The following ECE1 variants were observed in gnomAD, a reference collection of about 807,000 sequenced individuals.
The protein encoded by ECE1 is endothelin-converting enzyme 1.
In ECE1, 35 loss-of-function variants were observed where a neutral mutation model predicts 98.6. The ratio of observed to expected loss-of-function variants is 0.35; its 90% CI spans 0.27 to 0.47. ECE1 has a LOEUF of 0.47. ECE1 is among the 20% of genes least tolerant of loss of function. ECE1 has a pLI of 1.00. For missense variants in ECE1, 814 were observed against 1,025.3 expected (o/e 0.79, Z 2.81); for synonymous variants, 394 against 407.1 (o/e 0.97, Z 0.39).
intron 1 of ECE1, among the ~76,000 whole-genome samples, chr1:21,337,099 A>C (rs1264731731): frequency 6.6e-6 from 1 of 152,146 alleles, no homozygotes; most frequent in Non-Finnish European, 1.5e-5. Flanking sequence ...CAGGAGTTGC[A>C]CTCCTAAGTA....
chr1:21,238,041 AGGCCCAGGGTG>A (rs2098190550), intron 11 of ECE1, 82 bp downstream of exon 11: 2 of 1,173,518 alleles, frequency 1.7e-6, no homozygotes, highest in Middle Eastern at 1.9e-4. Flanking sequence ...GGAGCAGGAA[AGGCCCAGGGTG>A]GGCTGGAGTG....
intron 1 of ECE1, among the ~76,000 whole-genome samples, chr1:21,338,648 A>G (rs1467658894): frequency 6.6e-6 from 1 of 152,194 alleles, no homozygotes; most frequent in Non-Finnish European, 1.5e-5. Context: ...ATGTCATTTC[A>G]CAGATGGGAA....
intron 13 of ECE1, among the ~76,000 whole-genome samples, chr1:21,234,822 G>A (rs1421106099): frequency 1.3e-5 from 2 of 152,198 alleles, no homozygotes; most frequent in African/African-American, 4.8e-5. Context: ...CTGGTGAAAC[G>A]CTGGAGCCTC....
Position 21,258,608 on chromosome 1 carries a change from CT to C in ECE1, c.762+84del. On this transcript the variant is annotated intron_variant, in intron 6 of 18. Transcript: ENST00000374893. The surrounding 1 kb of genome is among the most constrained non-coding windows in gnomAD (Gnocchi z 4.2). ...CCGCCGTCCCACCCAGGGCAAGCCCCTCTCCCACCCCAGGTCCTGCTAAACT... is the reference window on the plus strand; with the variant it reads ...CCGCCGTCCCACCCAGGGCAAGCCCCCTCCCACCCCAGGTCCTGCTAAACT... 2 of 1,500,974 alleles carry C rather than the reference CT, an allele frequency of 1.3e-6. No individual in the cohort carries two copies. The highest frequency in any genetic ancestry group is 1.1e-5 in the South Asian group (1 of 88,758). The allele number at this position is 1,500,974 out of a possible 1,614,324, so 93.0% of individuals were successfully genotyped here.
rs199626661 is a variant in ECE1 at position 21,263,357 on chromosome 1, A to AT, written c.494-2966dup. 3.1e-3 allele frequency among the ~76,000 whole-genome samples: 353 copies of AT among 113,198 alleles called. 8 individuals are homozygous for AT. Among genetic ancestry groups the AT allele is most frequent in the African/African-American group, 9.9e-3 (294 of 29,656 alleles). 74.3% of individuals were successfully genotyped at this position (113,198 alleles called of 152,430 possible). ...CCCACCTAAGGTTTCCTTTTTTTAT[A>AT]TTTATTTTTTTTTTTTTTGAGACAG... On this transcript the variant is annotated intron_variant, in intron 4 of 18. Coordinates refer to ENST00000374893, the MANE Select transcript of ECE1 (RefSeq NM_001397.3).
At chr1:21,253,088 G>A (rs1028705016) in intron 8 of ECE1, among the ~76,000 whole-genome samples, 7 of 151,548 alleles carry the variant, frequency 4.6e-5, no homozygotes, top group Non-Finnish European at 8.8e-5. Flanking sequence ...ACGGAGTCTC[G>A]CTCTGTCACC....
chr1:21,280,559 T>C (rs538012978), intron 2 of ECE1, among the ~76,000 whole-genome samples: 1 of 151,294 alleles, frequency 6.6e-6, no homozygotes, highest in East Asian at 2.0e-4. Flanking sequence ...AGGACTGGAG[T>C]GACATGATTA....
At chr1:21,261,260 C>T (rs1402492066) in intron 4 of ECE1, among the ~76,000 whole-genome samples, 2 of 152,186 alleles carry the variant, frequency 1.3e-5, no homozygotes, top group Non-Finnish European at 2.9e-5. Context: ...AGACACATTC[C>T]CTCATTTCAT....
intron 8 of ECE1, among the ~76,000 whole-genome samples, chr1:21,250,234 G>A (rs1029553429): frequency 1.3e-5 from 2 of 152,144 alleles, no homozygotes; most frequent in African/African-American, 4.8e-5. Flanking sequence ...GGCAGTATTT[G>A]TCCTTTTGTG....
chr1:21,221,157 G>A (rs1231641784), intron 18 of ECE1, among the ~76,000 whole-genome samples: 4 of 152,116 alleles, frequency 2.6e-5, no homozygotes, highest in South Asian at 2.1e-4. Flanking sequence ...GATGAATGCC[G>A]ACTGAAGGGA....
chr1:21,286,160 C>A (rs2098260308), intron 2 of ECE1, among the ~76,000 whole-genome samples: 1 of 152,168 alleles, frequency 6.6e-6, no homozygotes, highest in South Asian at 2.1e-4. Flanking sequence ...GTAGACATGG[C>A]CATCTGCTCC....
chr1:21,247,135 A>T, intron 9 of ECE1, 86 bp downstream of exon 9: 1 of 1,594,000 alleles, frequency 6.3e-7, no homozygotes. Flanking sequence ...CTCCTGAGTC[A>T]GACTGTCATC....
In ECE1 at chr1:21,272,838, T is replaced by G. The variant is rs2098241865; in HGVS notation, c.354A>C (p.Thr118=). 1.2e-6 allele frequency: 2 copies of G among 1,614,154 alleles called. No homozygotes were observed. Among genetic ancestry groups the G allele is most frequent in the Admixed American group, 3.3e-5 (2 of 60,008 alleles). ...TSSILSSMDP[T]VDPCHDFFSY... is the part of the protein sequence containing the mutation. ...TGAAGAAGTCATGGCAGGGGTCCACTGTGGGGTCCATGGAGCTCAAGATGG... is the reference window on the plus strand; with the variant it reads ...TGAAGAAGTCATGGCAGGGGTCCACGGTGGGGTCCATGGAGCTCAAGATGG... Residue 118 remains threonine (T), a synonymous_variant, in exon 4 of 19, where the codon ACA becomes ACC. Transcript: ENST00000374893.
intron 1 of ECE1, among the ~76,000 whole-genome samples, chr1:21,302,030 G>C (rs1293650026): frequency 6.6e-6 from 1 of 152,084 alleles, no homozygotes; most frequent in African/African-American, 2.4e-5. Flanking sequence ...AGGCTCCCCT[G>C]ATGTGGAGCT....
Position 21,245,108 on chromosome 1 carries a change from G to A in ECE1, c.1164-5C>T, listed in dbSNP as rs12562197. On this transcript the variant is annotated splice_region_variant and splice_polypyrimidine_tract_variant and intron_variant, in intron 9 of 18. Coordinates refer to ENST00000374893, the MANE Select transcript of ECE1 (RefSeq NM_001397.3). ...ATCATGTAGTTGTTGAGCAGGCTGC[G>A]GGGAGAGGAGGCCAGAGAGGCTCAG... 0.26 allele frequency: 420,064 copies of A among 1,612,490 alleles called. 57,766 individuals carry two copies. The highest frequency in any genetic ancestry group is 0.28 in the Non-Finnish European group (335,239 of 1,178,838).
intron 10 of ECE1, among the ~76,000 whole-genome samples, chr1:21,241,411 A>T (rs919661239): frequency 2.0e-5 from 3 of 149,926 alleles, no homozygotes; most frequent in Non-Finnish European, 3.0e-5. Flanking sequence ...CCAGGGAGTA[A>T]GTGGTTGAGG....
At chr1:21,320,008 A>C (rs932255972) in intron 1 of ECE1, among the ~76,000 whole-genome samples, 6 of 152,158 alleles carry the variant, frequency 3.9e-5, no homozygotes, top group Admixed American at 3.9e-4. Context: ...AAATACACCA[A>C]CGATAGCCGA....
At chr1:21,285,950 C>G (rs912347213) in intron 2 of ECE1, among the ~76,000 whole-genome samples, 6 of 148,570 alleles carry the variant, frequency 4.0e-5, no homozygotes, top group African/African-American at 1.5e-4. Context: ...TGAGATTGTG[C>G]CACTGCACTA....
intron 4 of ECE1, 106 bp downstream of exon 4, chr1:21,272,593 A>C: frequency 1.4e-6 from 2 of 1,412,996 alleles, no homozygotes; most frequent in South Asian, 2.4e-5. Flanking sequence ...TGCCCGGCCC[A>C]TTCTGCCAAG....
Sources: gnomAD v4.1 joint callset for allele counts (sites outside exome capture counted in the v4.1 genomes callset) on GRCh38, gnomAD v4.1.1 for gene constraint, Gnocchi (gnomAD v3.1) non-coding constraint, MANE v1.5 for transcripts, NCBI Gene and HGNC (gene_info 2026-07-23, HGNC 2026-07-21) for gene names.